ZNF644: variants seen among roughly 807,000 people sequenced by gnomAD.
ZNF644 encodes the protein zinc finger protein 644, also known as zinc finger motif enhancer binding protein 2.
ZNF644 carries 20 observed loss-of-function variants against 108.0 expected under a neutral mutation model. The observed-to-expected ratio is 0.19, with a 90% CI of 0.13 to 0.27. The LOEUF is 0.27. Among genes scored for constraint, ZNF644 ranks in the 10% least tolerant of loss-of-function variants. The pLI is 1.00. For missense variants in ZNF644, 1,338 were observed against 1,548.9 expected (o/e 0.86, Z 2.29); for synonymous variants, 542 against 539.1 (o/e 1.01, Z -0.08).
chr1:90,917,897 G>C (rs1216596435), intron 5 of ZNF644, among the ~76,000 whole-genome samples, 155 bp downstream of exon 5: 2 of 152,202 alleles, frequency 1.3e-5, no homozygotes, highest in Admixed American at 1.3e-4. Context: ...ATTGTGAGCT[G>C]AATTAAGATT....
intron 1 of ZNF644, among the ~76,000 whole-genome samples, chr1:91,001,749 CCT>C (rs1037290770): frequency 2.6e-5 from 4 of 152,096 alleles, no homozygotes; most frequent in African/African-American, 9.7e-5. Flanking sequence ...TCAAATTGTC[CCT>C]GTTTGCAGAT....
chr1:90,969,432 C>T (rs117285535), intron 2 of ZNF644, among the ~76,000 whole-genome samples: 1 of 152,270 alleles, frequency 6.6e-6, no homozygotes, highest in East Asian at 1.9e-4. Context: ...TCTGCAGTTT[C>T]GCTTTCTGAG....
chr1:90,937,229 T>C (rs540369792), intron 4 of ZNF644, among the ~76,000 whole-genome samples: 17 of 152,252 alleles, frequency 1.1e-4, no homozygotes, highest in African/African-American at 4.1e-4. Flanking sequence ...TGTGTGTGTG[T>C]GTGGTTTTCT....
chr1:90,917,050 C>A, intron 5 of ZNF644, 60 bp from the exon 6 acceptor site: 2 of 1,535,728 alleles, frequency 1.3e-6, no homozygotes, highest in South Asian at 1.1e-5. Context: ...AACTAATTCA[C>A]ACAAAATCCT....
intron 2 of ZNF644, among the ~76,000 whole-genome samples, chr1:90,944,590 T>C (rs540018430): frequency 6.6e-6 from 1 of 152,286 alleles, no homozygotes; most frequent in African/African-American, 2.4e-5. Flanking sequence ...AAAGTTGACT[T>C]AGGAAGCTTT....
Position 90,937,468 on chromosome 1 carries a change from C to T in ZNF644, c.3688+17G>A, listed in dbSNP as rs1280916137. ...GCATTTAAACTGTGTATAGCATAGT[C>T]ATAAACGTCCTCTTACCTGAGTGCA... is the stretch of plus-strand genomic sequence containing the variant. On this transcript the variant is annotated intron_variant, in intron 4 of 5. Transcript: ENST00000337393. The T allele has an allele frequency of 1.3e-5, 21 of 1,613,372 alleles. No homozygotes were observed. The highest frequency in any genetic ancestry group is 1.7e-5 in the Admixed American group (1 of 60,000).
At chr1:91,003,930 T>C (rs1659148358) in intron 1 of ZNF644, among the ~76,000 whole-genome samples, 1 of 151,944 alleles carries the variant, frequency 6.6e-6, no homozygotes, top group East Asian at 1.9e-4. Flanking sequence ...AATTGTAGAA[T>C]TGAAAAGCAC....
chr1:90,954,655 CCTTGGCCTCCCAA>C (rs1653560005), intron 2 of ZNF644, among the ~76,000 whole-genome samples: 1 of 152,192 alleles, frequency 6.6e-6, no homozygotes, highest in Non-Finnish European at 1.5e-5. Flanking sequence ...GATCCACCTG[CCTTGGCCTCCCAA>C]AGTGCTAGGA....
At chr1:91,012,547 G>A (rs60290440) in intron 1 of ZNF644, among the ~76,000 whole-genome samples, 1,934 of 152,156 alleles carry the variant, frequency 0.013, 39 homozygotes, top group African/African-American at 0.044. Context: ...AGAGGTTAGA[G>A]GTTAAAATAG....
intron 1 of ZNF644, among the ~76,000 whole-genome samples, chr1:90,990,935 C>T (rs1203561508): frequency 6.6e-6 from 1 of 152,080 alleles, no homozygotes; most frequent in Non-Finnish European, 1.5e-5. Flanking sequence ...CAAAGTGGCA[C>T]CAGGAGAACT....
chr1:90,929,256 C>T (rs1464199916), intron 4 of ZNF644, among the ~76,000 whole-genome samples: 1 of 152,218 alleles, frequency 6.6e-6, no homozygotes, highest in Non-Finnish European at 1.5e-5. Flanking sequence ...TCCTACAACA[C>T]TTAAAGCCAA....
intron 2 of ZNF644, among the ~76,000 whole-genome samples, chr1:90,970,709 G>A (rs1440137021): frequency 6.6e-6 from 1 of 152,058 alleles, no homozygotes; most frequent in African/African-American, 2.4e-5. Flanking sequence ...TTAGTGTGAA[G>A]CATATACAAC....
In ZNF644 at chr1:90,993,730, G is replaced by A. The variant is rs911267450; in HGVS notation, c.-17-11360C>T. 3.9e-5 allele frequency among the ~76,000 whole-genome samples: 6 copies of A among 152,214 alleles called. No homozygotes were observed. The East Asian group carries it at 1.2e-3, about 29-fold the overall frequency. On this transcript the variant is annotated intron_variant, in intron 1 of 5. Transcript: ENST00000337393. ...TGTCACAAAATTTTTCAAACTCAGAGACACATAAACTGACCAAAATCATTT... is the reference window on the plus strand; with the variant it reads ...TGTCACAAAATTTTTCAAACTCAGAAACACATAAACTGACCAAAATCATTT...
In ZNF644 at chr1:90,937,912, T is replaced by G. The variant is rs1306832479; in HGVS notation, c.3261A>C (p.Glu1087Asp). The change falls in exon 4 of 6, where the codon GAA (glutamate) becomes GAC (aspartate). Residue 1087 changes from glutamate to aspartate, a missense_variant. By Grantham distance (45) the Glu-to-Asp change is conservative. Coordinates refer to ENST00000337393, the MANE Select transcript of ZNF644 (RefSeq NM_201269.3). ...CVLNEMMQNE[E>D]KYEKILKALN... is the part of the protein sequence containing the mutation. ...ATGCCTTTAAGATTTTTTCATATTT[T>G]TCTTCATTTTGCATCATCTCATTCA... 6.2e-7 allele frequency: 1 copy of G among 1,613,804 alleles called. No homozygotes were observed. The highest frequency in any genetic ancestry group is 8.5e-7 in the Non-Finnish European group (1 of 1,179,880).
chr1:90,983,225 T>G (rs1304155665), intron 1 of ZNF644, among the ~76,000 whole-genome samples: 1 of 152,118 alleles, frequency 6.6e-6, no homozygotes, highest in Non-Finnish European at 1.5e-5. Context: ...CTCTGATTTG[T>G]CCTTCCTAGA....
chr1:90,967,224 T>C (rs912205376), intron 2 of ZNF644, among the ~76,000 whole-genome samples: 7 of 152,148 alleles, frequency 4.6e-5, no homozygotes, highest in Non-Finnish European at 8.8e-5. Flanking sequence ...CCTCTGTACA[T>C]GTAGTTCCCT....
intron 2 of ZNF644, among the ~76,000 whole-genome samples, chr1:90,963,788 GAA>G (rs1300770070): frequency 1.3e-5 from 2 of 152,222 alleles, no homozygotes; most frequent in East Asian, 3.9e-4. Context: ...TAGTGACTGA[GAA>G]AAGAGACATA....
At chr1:90,992,386 T>A (rs1657729481) in intron 1 of ZNF644, among the ~76,000 whole-genome samples, 1 of 149,316 alleles carries the variant, frequency 6.7e-6, no homozygotes, top group Admixed American at 6.6e-5. Flanking sequence ...CCAAAAAAAA[T>A]CATTTATAAC....
At chr1:90,983,819 C>G (rs1656821835) in intron 1 of ZNF644, among the ~76,000 whole-genome samples, 1 of 152,156 alleles carries the variant, frequency 6.6e-6, no homozygotes. Flanking sequence ...CCCAACTACT[C>G]AGGAGGCTGA....
Sources: gnomAD v4.1 joint callset for allele counts (sites outside exome capture counted in the v4.1 genomes callset) on GRCh38, gnomAD v4.1.1 for gene constraint, MANE v1.5 for transcripts, NCBI Gene and HGNC (gene_info 2026-07-23, HGNC 2026-07-21) for gene names.